The following FAM241A variants were observed in gnomAD, a reference collection of about 807,000 sequenced individuals.
FAM241A encodes the protein uncharacterized protein FAM241A.
Under a neutral mutation model 12.2 loss-of-function variants are expected in FAM241A, and 7 were observed. That is an observed-to-expected ratio of 0.58 (90% CI 0.33 to 1.08). The LOEUF (loss-of-function observed/expected upper bound fraction) is 1.08. Ranked by LOEUF, FAM241A falls within the 50% of genes least tolerant of loss-of-function variation. The pLI, the probability that FAM241A is intolerant of heterozygous loss-of-function variation, is 0.04. For missense variants in FAM241A, 161 were observed against 169.7 expected (o/e 0.95, Z 0.29); for synonymous variants, 74 against 68.2 (o/e 1.08, Z -0.42).
chr4:112,165,231 T>C (rs1290752739), intron 1 of FAM241A, among the ~76,000 whole-genome samples: 1 of 152,158 alleles, frequency 6.6e-6, no homozygotes, highest in African/African-American at 2.4e-5. Context: ...TGAAATGTCT[T>C]TTATCCAAAA....
At chr4:112,168,022 A>G (rs917290887) in intron 1 of FAM241A, among the ~76,000 whole-genome samples, 2 of 152,272 alleles carry the variant, frequency 1.3e-5, no homozygotes, top group Non-Finnish European at 2.9e-5. Context: ...CACATCTTGC[A>G]TAAAATGCAG....
intron 1 of FAM241A, among the ~76,000 whole-genome samples, chr4:112,173,070 G>T (rs909665269): frequency 1.3e-5 from 2 of 151,966 alleles, no homozygotes; most frequent in African/African-American, 4.8e-5. Flanking sequence ...GTATTTTTTT[G>T]TAGAGTCAGG....
chr4:112,156,261 C>G lies in FAM241A; in HGVS notation c.153+10528C>G, dbSNP rs1408462802. Among the ~76,000 whole-genome samples, 4 of 152,086 alleles carry G rather than the reference C, an allele frequency of 2.6e-5. No homozygotes were observed. The East Asian group carries it at 5.8e-4, about 22-fold the overall frequency. ...CTCAGGTCATTTGCCTGGAACTCTT[C>G]CCCCAGATCTTCCCTTGGCAGAGCT... On this transcript the variant is annotated intron_variant, in intron 1 of 1. Transcript: ENST00000309733.
chr4:112,185,244 G>A (rs1033378557), intron 1 of FAM241A, among the ~76,000 whole-genome samples: 17 of 152,054 alleles, frequency 1.1e-4, no homozygotes, highest in South Asian at 2.1e-4. Flanking sequence ...AGGGTCTGGG[G>A]CGGTGGGGAG....
chr4:112,161,339 CAAAA>C (rs1011871708), intron 1 of FAM241A, among the ~76,000 whole-genome samples: 3 of 151,828 alleles, frequency 2.0e-5, no homozygotes, highest in Admixed American at 2.0e-4. Context: ...GATACAGACA[CAAAA>C]AACCTTCAAA....
At chr4:112,183,002 C>A (rs1212170382) in intron 1 of FAM241A, among the ~76,000 whole-genome samples, 3 of 151,018 alleles carry the variant, frequency 2.0e-5, no homozygotes, top group Non-Finnish European at 2.9e-5. Context: ...GACACCCTTT[C>A]CACATTCTTA....
At chr4:112,145,811 C>G in intron 1 of FAM241A, 78 bp downstream of exon 1, 1 of 938,896 alleles carries the variant, frequency 1.1e-6, no homozygotes. Flanking sequence ...GGGAAGGGGC[C>G]CGGCCCGCGG....
At chr4:112,167,031 G>A (rs1417600814) in intron 1 of FAM241A, among the ~76,000 whole-genome samples, 1 of 119,558 alleles carries the variant, frequency 8.4e-6, no homozygotes, top group Non-Finnish European at 1.7e-5. Context: ...GGAGAATGGC[G>A]TGAACCCGGG....
intron 1 of FAM241A, among the ~76,000 whole-genome samples, chr4:112,186,156 A>C (rs752721958): frequency 2.6e-5 from 4 of 152,226 alleles, no homozygotes; most frequent in African/African-American, 4.8e-5. Context: ...TTGTAAAAAA[A>C]AAAAATTTGT....
chr4:112,154,620 T>G (rs559294545), intron 1 of FAM241A, among the ~76,000 whole-genome samples: 1 of 152,338 alleles, frequency 6.6e-6, no homozygotes, highest in South Asian at 2.1e-4. Flanking sequence ...TCTAGCATAT[T>G]GTCCTGCATA....
At chr4:112,186,627 T>G in intron 1 of FAM241A, 66 bp from the exon 2 acceptor site, 1 of 1,457,154 alleles carries the variant, frequency 6.9e-7, no homozygotes, top group Non-Finnish European at 9.3e-7. Context: ...AGAACTAAGG[T>G]TCTTAAAGAC....
chr4:112,163,438 A>G (rs1343298932), intron 1 of FAM241A, among the ~76,000 whole-genome samples: 6 of 152,256 alleles, frequency 3.9e-5, no homozygotes, highest in Admixed American at 2.6e-4. Context: ...TACAGAATCT[A>G]CAAAGAACTC....
At chr4:112,168,841 G>A (rs1311404557) in intron 1 of FAM241A, among the ~76,000 whole-genome samples, 6 of 151,926 alleles carry the variant, frequency 3.9e-5, no homozygotes, top group Admixed American at 6.6e-5. Flanking sequence ...AATTTTGTAT[G>A]TTTAGTAGAG....
chr4:112,157,024 C>G (rs1723367662), intron 1 of FAM241A, among the ~76,000 whole-genome samples: 1 of 152,068 alleles, frequency 6.6e-6, no homozygotes, highest in South Asian at 2.1e-4. Context: ...GAATAAAATT[C>G]TTATCAGCCA....
chr4:112,162,761 TC>T, intron 1 of FAM241A, among the ~76,000 whole-genome samples: 1 of 152,120 alleles, frequency 6.6e-6, no homozygotes, highest in African/African-American at 2.4e-5. Context: ...TTCAGTGCCA[TC>T]CCCATCAAGC....
intron 1 of FAM241A, among the ~76,000 whole-genome samples, chr4:112,151,991 C>T (rs557951558): frequency 3.5e-4 from 53 of 152,184 alleles, no homozygotes; most frequent in Middle Eastern, 3.2e-3. Flanking sequence ...CTTCCTTTCA[C>T]GTATTTTAAA....
chr4:112,171,102 G>A, intron 1 of FAM241A: 2 of 371,068 alleles, frequency 5.4e-6, no homozygotes, highest in South Asian at 2.4e-5. Context: ...TGAGCCAGAT[G>A]TGTGTATAAA....
Position 112,149,500 on chromosome 4 carries a change from T to C in FAM241A, c.153+3767T>C, listed in dbSNP as rs577279143. On this transcript the variant is annotated intron_variant, in intron 1 of 1. Coordinates refer to ENST00000309733, the MANE Select transcript of FAM241A (RefSeq NM_152400.3). ...TTATAAATCGTGCTGTCTGAAAATATTTGCTTGTAAATCCTTAAACTTCTA... is the reference window on the plus strand; with the variant it reads ...TTATAAATCGTGCTGTCTGAAAATACTTGCTTGTAAATCCTTAAACTTCTA... 1.9e-4 allele frequency among the ~76,000 whole-genome samples: 29 copies of C among 152,328 alleles called. 1 individual carries two copies. The South Asian group carries it at 3.1e-3, about 16-fold the overall frequency.
intron 1 of FAM241A, among the ~76,000 whole-genome samples, chr4:112,160,250 A>G (rs1215209949): frequency 6.6e-6 from 1 of 152,026 alleles, no homozygotes; most frequent in African/African-American, 2.4e-5. Context: ...CTACTAAAAA[A>G]TACAAAAATT....
Sources: allele counts gnomAD v4.1 joint callset (sites outside exome capture counted in the v4.1 genomes callset), GRCh38; gene constraint gnomAD v4.1.1; transcripts MANE v1.5; gene names NCBI Gene and HGNC (gene_info 2026-07-23, HGNC 2026-07-21).